The following SLC24A3 variants were observed in gnomAD, a reference collection of about 807,000 sequenced individuals.
SLC24A3 encodes the protein sodium/potassium/calcium exchanger 3.
In SLC24A3, 28 loss-of-function variants were observed where a neutral mutation model predicts 75.8. The ratio of observed to expected loss-of-function variants is 0.37; its 90% CI spans 0.27 to 0.51. The LOEUF (loss-of-function observed/expected upper bound fraction) is 0.51. Ranked by LOEUF, SLC24A3 falls within the 20% of genes least tolerant of loss-of-function variation. The probability of loss-of-function intolerance (pLI) is 0.94; values close to 1 mark genes in which losing one functional copy is unlikely to be tolerated. For missense variants in SLC24A3, 663 were observed against 847.8 expected (o/e 0.78, Z 2.71); for synonymous variants, 372 against 334.1 (o/e 1.11, Z -1.24).
chr20:19,253,904 C>A (rs1982734583), intron 1 of SLC24A3, among the ~76,000 whole-genome samples: 1 of 152,166 alleles, frequency 6.6e-6, no homozygotes, highest in African/African-American at 2.4e-5. Context: ...GTGCATGTTC[C>A]ATGTCTAAAT....
chr20:19,473,875 T>A (rs1987916520), intron 2 of SLC24A3, among the ~76,000 whole-genome samples: 1 of 152,232 alleles, frequency 6.6e-6, no homozygotes, highest in South Asian at 2.1e-4. Context: ...AATTCTGTGG[T>A]TTGGTCTGCA....
intron 15 of SLC24A3, among the ~76,000 whole-genome samples, chr20:19,699,925 T>C (rs776267741): frequency 3.3e-5 from 5 of 152,156 alleles, no homozygotes; most frequent in African/African-American, 1.2e-4. Context: ...GTAGACATTA[T>C]AAAGTTTGGG....
intron 2 of SLC24A3, among the ~76,000 whole-genome samples, chr20:19,433,330 A>G (rs1312074729): frequency 1.3e-5 from 2 of 152,212 alleles, no homozygotes; most frequent in Non-Finnish European, 2.9e-5. Context: ...AGCTTACAAA[A>G]TCCAGATCCT....
chr20:19,423,230 G>C (rs896708130), intron 2 of SLC24A3, among the ~76,000 whole-genome samples: 1 of 152,188 alleles, frequency 6.6e-6, no homozygotes, highest in African/African-American at 2.4e-5. Context: ...TGGTCATCCA[G>C]ATGTTGTGGG....
At chr20:19,377,332 C>T (rs115297879) in intron 2 of SLC24A3, among the ~76,000 whole-genome samples, 2,500 of 152,124 alleles carry the variant, frequency 0.016, 65 homozygotes, top group African/African-American at 0.058. Context: ...TAAATGGTGG[C>T]GTGTTCAGAC....
intron 6 of SLC24A3, among the ~76,000 whole-genome samples, chr20:19,596,356 A>G (rs1431513356): frequency 6.6e-6 from 1 of 152,190 alleles, no homozygotes; most frequent in African/African-American, 2.4e-5. Context: ...GACATGGGAA[A>G]AATCATGGAA....
intron 13 of SLC24A3, 89 bp from the exon 14 acceptor site, chr20:19,696,708 T>C (rs2032810583): frequency 5.9e-6 from 5 of 845,862 alleles, no homozygotes; most frequent in African/African-American, 1.6e-5. Context: ...GCCCAGACCA[T>C]AGCCTGTTGT....
At chr20:19,425,079 C>A (rs1211292981) in intron 2 of SLC24A3, among the ~76,000 whole-genome samples, 1 of 152,178 alleles carries the variant, frequency 6.6e-6, no homozygotes, top group East Asian at 1.9e-4. Flanking sequence ...CCGAGGTGGG[C>A]AGATCACGAG....
intron 2 of SLC24A3, among the ~76,000 whole-genome samples, chr20:19,381,044 A>G (rs922144056): frequency 5.3e-5 from 8 of 152,154 alleles, no homozygotes; most frequent in Non-Finnish European, 1.2e-4. Context: ...AGAGTGCTTA[A>G]CTCAGTGTCC....
chr20:19,535,484 A>G (rs182969309), intron 3 of SLC24A3, among the ~76,000 whole-genome samples: 4 of 152,344 alleles, frequency 2.6e-5, no homozygotes, highest in East Asian at 1.9e-4. Flanking sequence ...CCAGAGATCA[A>G]TTAGAAGCTG....
intron 2 of SLC24A3, among the ~76,000 whole-genome samples, chr20:19,296,284 T>C (rs1487208252): frequency 6.7e-6 from 1 of 149,912 alleles, no homozygotes; most frequent in Non-Finnish European, 1.5e-5. Context: ...TTTTTTTTTT[T>C]TTCAAAAAAA....
intron 3 of SLC24A3, among the ~76,000 whole-genome samples, chr20:19,520,116 A>T (rs2122563004): frequency 6.6e-6 from 1 of 152,324 alleles, no homozygotes; most frequent in African/African-American, 2.4e-5. Context: ...TTTGAAAATG[A>T]TTCTCTATCC....
At chr20:19,495,942 G>A (rs1369786549) in intron 2 of SLC24A3, among the ~76,000 whole-genome samples, 1 of 152,128 alleles carries the variant, frequency 6.6e-6, no homozygotes, top group Non-Finnish European at 1.5e-5. Context: ...TGGCTCTTTG[G>A]ATCTGAGTTT....
intron 2 of SLC24A3, among the ~76,000 whole-genome samples, chr20:19,493,781 C>T (rs975851336): frequency 5.1e-4 from 77 of 152,176 alleles, no homozygotes; most frequent in Admixed American, 2.3e-3. Context: ...GCCAGTTCAT[C>T]CCCTTCCCTG....
Position 19,212,911 on chromosome 20 carries a change from G to T in SLC24A3, c.69G>T (p.Leu23=), listed in dbSNP as rs1320191000. ...GCCGCCGCCGCCGGAGGGACCTTCT[G>T]CTGAGCCAGCTCTGCTTCCTGGCCT... is the stretch of plus-strand genomic sequence containing the variant. ...RRRRRRRRDL[L]LSQLCFLASV... The change falls in exon 1 of 17, where the codon CTG becomes CTT. Residue 23 remains leucine (L), a synonymous_variant. Transcript: ENST00000328041. The T allele has an allele frequency of 7.4e-7, 1 of 1,348,138 alleles. No individual in the cohort carries two copies. The highest frequency in any genetic ancestry group is 2.6e-5 in the Admixed American group (1 of 38,304). The allele number at this position is 1,348,138 out of a possible 1,614,324, so 83.5% of individuals were successfully genotyped here.
intron 1 of SLC24A3, among the ~76,000 whole-genome samples, chr20:19,214,695 C>T (rs1390389978): frequency 6.6e-6 from 1 of 152,196 alleles, no homozygotes; most frequent in African/African-American, 2.4e-5. Context: ...GCCAGACACT[C>T]TGCAAACTTG....
chr20:19,548,756 G>A (rs2030645373), intron 3 of SLC24A3, among the ~76,000 whole-genome samples: 3 of 152,138 alleles, frequency 2.0e-5, no homozygotes, highest in Admixed American at 2.0e-4. Flanking sequence ...CTGATGAGAG[G>A]CCTTGATTAC....
At chr20:19,386,613 T>A (rs1403859951) in intron 2 of SLC24A3, among the ~76,000 whole-genome samples, 4 of 152,196 alleles carry the variant, frequency 2.6e-5, no homozygotes, top group Non-Finnish European at 5.9e-5. Context: ...TCTGGGAGTT[T>A]TTATTATGAA....
chr20:19,392,047 C>G (rs1986375506), intron 2 of SLC24A3, among the ~76,000 whole-genome samples: 1 of 152,126 alleles, frequency 6.6e-6, no homozygotes, highest in African/African-American at 2.4e-5. Context: ...TGATAGAGTC[C>G]TGCTGTTTGC....
Sources: allele counts gnomAD v4.1 joint callset (sites outside exome capture counted in the v4.1 genomes callset), GRCh38; gene constraint gnomAD v4.1.1; transcripts MANE v1.5; gene names NCBI Gene and HGNC (gene_info 2026-07-23, HGNC 2026-07-21).